Variants in TANC2 observed in about 807,000 individuals in gnomAD.
The protein encoded by TANC2 is protein TANC2.
A neutral mutation model predicts 210.5 loss-of-function variants in TANC2; 26 were observed. The ratio of observed to expected loss-of-function variants is 0.12; its 90% CI spans 0.09 to 0.17. The LOEUF (loss-of-function observed/expected upper bound fraction) is 0.17, where lower values mean the gene tolerates loss of function less well. TANC2 is among the 10% of genes least tolerant of loss of function. The pLI is 1.00. For missense variants in TANC2, 2,129 were observed against 2,608.9 expected, an observed-to-expected ratio of 0.82 and a Z score of 4.01; for synonymous variants, 931 against 967.1, an observed-to-expected ratio of 0.96 and a Z score of 0.69.
chr17:63,243,272 A>G (rs1418398005), intron 8 of TANC2, among the ~76,000 whole-genome samples: 2 of 152,204 alleles, frequency 1.3e-5, no homozygotes, highest in African/African-American at 2.4e-5. Context: ...TTGGTACTCC[A>G]TTTTGTAAAG....
At chr17:63,383,521 G>A (rs2047679581) in intron 15 of TANC2, among the ~76,000 whole-genome samples, 1 of 152,012 alleles carries the variant, frequency 6.6e-6, no homozygotes, top group Admixed American at 6.6e-5. Flanking sequence ...ATTTCTACAT[G>A]TCTTTTTTGG....
intron 2 of TANC2, among the ~76,000 whole-genome samples, chr17:63,020,832 T>C (rs2034316307): frequency 6.6e-6 from 1 of 152,192 alleles, no homozygotes; most frequent in African/African-American, 2.4e-5. Flanking sequence ...TGGCATCTGC[T>C]TGGCTTCTGA....
intron 8 of TANC2, among the ~76,000 whole-genome samples, chr17:63,257,451 G>A (rs1598722060): frequency 6.6e-6 from 1 of 151,592 alleles, no homozygotes; most frequent in African/African-American, 2.4e-5. Context: ...CCCACCTCCT[G>A]GGCTCAAGTG....
At chr17:63,069,965 GA>G (rs2036336168) in intron 2 of TANC2, among the ~76,000 whole-genome samples, 1 of 152,138 alleles carries the variant, frequency 6.6e-6, no homozygotes, top group Non-Finnish European at 1.5e-5. Context: ...GTTACCAATA[GA>G]AACTTTTGCT....
chr17:63,097,451 A>G (rs1440836352), intron 3 of TANC2, among the ~76,000 whole-genome samples: 1 of 152,114 alleles, frequency 6.6e-6, no homozygotes, highest in East Asian at 1.9e-4. Flanking sequence ...TTAGTTTTGC[A>G]CCAACCTAAT....
chr17:63,387,422 A>G (rs934141206), intron 15 of TANC2, among the ~76,000 whole-genome samples: 1 of 152,196 alleles, frequency 6.6e-6, no homozygotes, highest in African/African-American at 2.4e-5. Context: ...AGATGAATTT[A>G]TAACTCATAA....
At chr17:63,247,777 G>A (rs2042957524) in intron 8 of TANC2, among the ~76,000 whole-genome samples, 1 of 152,104 alleles carries the variant, frequency 6.6e-6, no homozygotes, top group Non-Finnish European at 1.5e-5. Context: ...TATTGACTGT[G>A]TTGAACAAAA....
chr17:63,308,505 A>G (rs140220662), intron 9 of TANC2, among the ~76,000 whole-genome samples: 147 of 152,308 alleles, frequency 9.7e-4, no homozygotes, highest in African/African-American at 3.2e-3. Flanking sequence ...GGAAATATAA[A>G]CCAAGTACTC....
At chr17:63,345,865 A>G (rs941304508) in intron 12 of TANC2, among the ~76,000 whole-genome samples, 42 of 152,172 alleles carry the variant, frequency 2.8e-4, no homozygotes, top group African/African-American at 5.1e-4. Flanking sequence ...AAGTTTAGCA[A>G]TCAGCTCTCA....
At position 63,407,725 on chromosome 17, in the gene TANC2, G is replaced by A. The variant is rs144260247; in HGVS notation, c.3589+1448G>A. Among the ~76,000 whole-genome samples, 466 of 152,292 alleles carry A rather than the reference G, an allele frequency of 3.1e-3. 2 individuals carry two copies. The highest frequency in any genetic ancestry group is 0.027 in the Middle Eastern group (8 of 294). On this transcript the variant is annotated intron_variant, in intron 21 of 27. Coordinates refer to ENST00000689528, the Ensembl canonical transcript of TANC2. ...GTCTATAATGTGGCAGGGAAGAGAT[G>A]AAACAAAGATAAATGCCTTAAAAAG...
chr17:63,392,758 C>T lies in TANC2; in HGVS notation c.3052-2985C>T, dbSNP rs9905288. ...GCTAATTACCCTAATTTGATCATTA[C>T]ACATTGCATACATGTATCAAAATAT... On this transcript the variant is annotated intron_variant, in intron 17 of 27. Coordinates refer to ENST00000689528, the Ensembl canonical transcript of TANC2. Among the ~76,000 whole-genome samples the T allele has an allele frequency of 7.4e-3, 1,120 of 152,234 alleles. 15 individuals are homozygous for T. Among genetic ancestry groups the T allele is most frequent in the African/African-American group, 0.026 (1,060 of 41,522 alleles).
chr17:63,150,752 A>G (rs978818321), intron 4 of TANC2: 3 of 152,216 alleles, frequency 2.0e-5, no homozygotes, highest in Non-Finnish European at 2.9e-5. Context: ...GGTGTTTATC[A>G]TGACCAAGTA....
intron 4 of TANC2, among the ~76,000 whole-genome samples, chr17:63,116,048 G>T (rs898292757): frequency 3.3e-5 from 5 of 152,134 alleles, no homozygotes; most frequent in Non-Finnish European, 7.3e-5. Flanking sequence ...TATAATGGCA[G>T]TGTTGCCCAT....
intron 1 of TANC2, among the ~76,000 whole-genome samples, chr17:62,971,249 G>A (rs1215684075): frequency 6.6e-6 from 1 of 152,066 alleles, no homozygotes; most frequent in Non-Finnish European, 1.5e-5. Flanking sequence ...AAAAGGCCAC[G>A]GAGAGAAATA....
chr17:63,223,612 C>T (rs1165991272), intron 7 of TANC2, among the ~76,000 whole-genome samples: 1 of 151,538 alleles, frequency 6.6e-6, no homozygotes, highest in Non-Finnish European at 1.5e-5. Context: ...ATTTAAGGGA[C>T]AGAGTGTTAA....
chr17:63,233,513 A>G (rs575273104), intron 7 of TANC2, among the ~76,000 whole-genome samples: 3 of 152,238 alleles, frequency 2.0e-5, no homozygotes, highest in African/African-American at 7.2e-5. Flanking sequence ...CCATGGCTCC[A>G]CCCTGCTTTT....
chr17:62,973,332 G>A (rs917035497), intron 1 of TANC2, among the ~76,000 whole-genome samples: 1 of 152,124 alleles, frequency 6.6e-6, no homozygotes, highest in Non-Finnish European at 1.5e-5. Flanking sequence ...ATACCCGGCC[G>A]TAACATATTT....
At chr17:63,052,029 A>G (rs2035600768) in intron 2 of TANC2, among the ~76,000 whole-genome samples, 1 of 152,190 alleles carries the variant, frequency 6.6e-6, no homozygotes, top group Admixed American at 6.5e-5. Context: ...TGTATGAATA[A>G]CGTGCTGAAG....
At chr17:63,242,598 A>G (rs1225038781) in intron 8 of TANC2, among the ~76,000 whole-genome samples, 1 of 152,126 alleles carries the variant, frequency 6.6e-6, no homozygotes, top group African/African-American at 2.4e-5. Context: ...GATTGCATTT[A>G]ATTATAATAT....
Sources: gnomAD v4.1 joint callset for allele counts (sites outside exome capture counted in the v4.1 genomes callset) on GRCh38, gnomAD v4.1.1 for gene constraint, MANE v1.5 for transcripts, NCBI Gene and HGNC (gene_info 2026-07-23, HGNC 2026-07-21) for gene names.